Variants in CHLSN observed in about 807,000 individuals in gnomAD.
The protein encoded by CHLSN is cholesin.
chr7:1,061,575 A>G, the CHLSN span, among the ~76,000 whole-genome samples: 1 of 151,932 alleles, frequency 6.6e-6, no homozygotes, highest in Non-Finnish European at 1.5e-5. Context: ...CTGCTCATCT[A>G]TATTCTATGT....
chr7:1,136,201 A>G, the CHLSN span, among the ~76,000 whole-genome samples: 1 of 106,154 alleles, frequency 9.4e-6, no homozygotes, highest in Non-Finnish European at 1.7e-5. Context: ...TATATACACA[A>G]ATATATAAAT....
the CHLSN span, among the ~76,000 whole-genome samples, chr7:992,029 G>A: frequency 6.6e-6 from 1 of 152,148 alleles, no homozygotes; most frequent in South Asian, 2.1e-4. Flanking sequence ...GCTTCCTCAC[G>A]CATGGATTTC....
the CHLSN span, among the ~76,000 whole-genome samples, chr7:1,005,521 C>T: frequency 3.3e-5 from 5 of 152,216 alleles, no homozygotes; most frequent in South Asian, 4.1e-4. Flanking sequence ...ATGGGTTGGC[C>T]GCTCCTCCCA....
chr7:1,012,596 G>A, the CHLSN span, among the ~76,000 whole-genome samples: 1 of 152,240 alleles, frequency 6.6e-6, no homozygotes, highest in Admixed American at 6.5e-5. Flanking sequence ...GTCCCCGAGG[G>A]AGCCACTGTG....
chr7:1,080,754 G>A, the CHLSN span: 2,348 of 152,420 alleles, frequency 0.015, 90 homozygotes, highest in East Asian at 0.17. Context: ...CTGGGTACCA[G>A]CAGCAATGAC....
chr7:1,136,555 TATATAAAC>T, the CHLSN span, among the ~76,000 whole-genome samples: 49 of 94,850 alleles, frequency 5.2e-4, no homozygotes, highest in African/African-American at 2.0e-3. Context: ...TATATAAACA[TATATAAAC>T]ATATAAACAT....
At chr7:1,121,605 C>G in the CHLSN span, among the ~76,000 whole-genome samples, 3 of 152,258 alleles carry the variant, frequency 2.0e-5, no homozygotes, top group African/African-American at 7.2e-5. Flanking sequence ...CCAAGTAGCC[C>G]TGCTCCCTTC....
At chr7:1,012,862 C>T in the CHLSN span, among the ~76,000 whole-genome samples, 31 of 152,236 alleles carry the variant, frequency 2.0e-4, no homozygotes, top group African/African-American at 7.2e-4. Flanking sequence ...GTGCCATCGG[C>T]CGCCCTATGC....
the CHLSN span, chr7:1,078,158 G>A: frequency 6.6e-6 from 1 of 152,240 alleles, no homozygotes; most frequent in African/African-American, 2.4e-5. Flanking sequence ...CGGACAGTCA[G>A]AAAACACGTC....
the CHLSN span, among the ~76,000 whole-genome samples, chr7:1,041,693 T>C: frequency 6.6e-6 from 1 of 152,146 alleles, no homozygotes. Flanking sequence ...AAATATTCCT[T>C]GTCCGTGATC....
the CHLSN span, chr7:1,057,677 C>A: frequency 1.3e-6 from 1 of 772,348 alleles, no homozygotes; most frequent in Non-Finnish European, 2.4e-6. Context: ...CCAACCTACA[C>A]AGCAAGGCCA....
At chr7:1,136,783 T>TC in the CHLSN span, among the ~76,000 whole-genome samples, 1 of 152,042 alleles carries the variant, frequency 6.6e-6, no homozygotes, top group South Asian at 2.1e-4. Context: ...AACCTGAGCT[T>TC]CCTAGTGTTC....
the CHLSN span, among the ~76,000 whole-genome samples, chr7:1,002,668 C>A: frequency 2.3e-5 from 1 of 44,336 alleles, no homozygotes; most frequent in Non-Finnish European, 4.1e-5. Context: ...TGGAGTCCTG[C>A]GGGTGAGTGG....
At chr7:995,311 C>T in the CHLSN span, among the ~76,000 whole-genome samples, 2 of 152,240 alleles carry the variant, frequency 1.3e-5, no homozygotes, top group African/African-American at 4.8e-5. Flanking sequence ...AGGAGCTTGG[C>T]ACCTTACGAT....
the CHLSN span, among the ~76,000 whole-genome samples, chr7:1,068,169 CA>C: frequency 6.6e-6 from 1 of 152,164 alleles, no homozygotes; most frequent in Non-Finnish European, 1.5e-5. Flanking sequence ...GCTTTGTCCT[CA>C]GGTCTCCACT....
the CHLSN span, among the ~76,000 whole-genome samples, chr7:1,019,434 G>A: frequency 6.6e-6 from 1 of 152,194 alleles, no homozygotes; most frequent in African/African-American, 2.4e-5. Context: ...TGCTGCTCTG[G>A]GCCAGAAGGA....
At chr7:1,030,616 C>T in the CHLSN span, among the ~76,000 whole-genome samples, 2 of 152,236 alleles carry the variant, frequency 1.3e-5, no homozygotes, top group African/African-American at 4.8e-5. Context: ...TGCCCAGTGA[C>T]CCACCTGTAG....
the CHLSN span, among the ~76,000 whole-genome samples, chr7:1,009,225 C>G: frequency 6.6e-6 from 1 of 152,186 alleles, no homozygotes; most frequent in Non-Finnish European, 1.5e-5. Flanking sequence ...CACAGGACAC[C>G]CTGCCCCTCA....
chr7:1,112,705 T>TA, the CHLSN span, among the ~76,000 whole-genome samples: 2,855 of 99,050 alleles, frequency 0.029, 92 homozygotes, highest in East Asian at 0.19. Flanking sequence ...TCCAAATGGC[T>TA]AAAAAAAAAA....
Sources: allele counts gnomAD v4.1 joint callset (sites outside exome capture counted in the v4.1 genomes callset), GRCh38; gene constraint gnomAD v4.1.1; transcripts MANE v1.5; gene names NCBI Gene and HGNC (gene_info 2026-07-23, HGNC 2026-07-21).